ADSS2: variants seen among roughly 807,000 people sequenced by gnomAD.
The protein encoded by ADSS2 is adenylosuccinate synthase 2.
ADSS2 carries 30 observed loss-of-function variants against 60.0 expected under a neutral mutation model. The ratio of observed to expected loss-of-function variants is 0.50; its 90% CI spans 0.37 to 0.68. The LOEUF (loss-of-function observed/expected upper bound fraction) is 0.68. ADSS2 is among the 30% of genes least tolerant of loss of function. The probability of loss-of-function intolerance (pLI) is 0.00; values close to 1 mark genes in which losing one functional copy is unlikely to be tolerated. For missense variants in ADSS2, 373 were observed against 554.8 expected (o/e 0.67, Z 3.29); for synonymous variants, 187 against 193.1 (o/e 0.97, Z 0.26).
At chr1:244,436,928 T>C (rs1665116656) in intron 2 of ADSS2, 35 bp from the exon 3 acceptor site, 1 of 1,558,402 alleles carries the variant, frequency 6.4e-7, no homozygotes, top group African/African-American at 1.4e-5. Context: ...ACGGTAAACA[T>C]CTATAACTCA....
intron 5 of ADSS2, 70 bp downstream of exon 5, chr1:244,424,251 G>T: frequency 6.9e-7 from 1 of 1,452,016 alleles, no homozygotes; most frequent in Non-Finnish European, 9.5e-7. Context: ...TTAAACTTCT[G>T]GTCTAGAACT....
chr1:244,437,792 T>C (rs773291270), intron 1 of ADSS2, 24 bp from the exon 2 acceptor site: 280 of 1,486,668 alleles, frequency 1.9e-4, no homozygotes, highest in Non-Finnish European at 2.5e-4. Context: ...TAGGGGAAAA[T>C]TGAGCCTGAT....
rs1430003624 is a variant in ADSS2, at chr1:244,418,662, C to CA, written c.945+97dup. On this transcript the variant is annotated intron_variant, in intron 9 of 12. Transcript: ENST00000366535. ...GAAAATGTTGTTCTGACCAATCTTG[C>CA]AAATTAAGTGAAAGGCACAGGAGAC... 2.4e-6 allele frequency: 3 copies of CA among 1,267,904 alleles called. No individual in the cohort carries two copies. The Admixed American group carries it at 8.6e-5, about 36-fold the overall frequency. 78.5% of individuals were successfully genotyped at this position (1,267,904 alleles called of 1,614,324 possible).
chr1:244,424,151 C>T (rs1035685900), intron 5 of ADSS2, 91 bp from the exon 6 acceptor site: 48 of 1,223,562 alleles, frequency 3.9e-5, no homozygotes, highest in Non-Finnish European at 5.3e-5. Context: ...TTACATATGA[C>T]TATTTTCTGT....
At chr1:244,412,484 G>C (rs1474876706) in intron 11 of ADSS2, among the ~76,000 whole-genome samples, 1 of 152,346 alleles carries the variant, frequency 6.6e-6, no homozygotes. Flanking sequence ...GGGGTACATA[G>C]AGTATGGATA....
Position 244,418,982 on chromosome 1 carries a change from G to A in ADSS2, c.791-68C>T, listed in dbSNP as rs56164682. 6.8e-3 allele frequency: 9,255 copies of A among 1,356,042 alleles called. 59 individuals are homozygous for A. The highest frequency in any genetic ancestry group is 0.02 in the African/African-American group (1,352 of 67,700). 84.0% of individuals were successfully genotyped at this position (1,356,042 alleles called of 1,614,324 possible). A position where few individuals can be genotyped will look rare whatever the true frequency, so the allele number is the denominator to read the frequency against. ...TAACACATTTTAAAACAGAATTACC[G>A]TTACAATTCTGCATTTGAGTATATT... On this transcript the variant is annotated intron_variant, in intron 8 of 12. Coordinates refer to ENST00000366535, the MANE Select transcript of ADSS2 (RefSeq NM_001126.5).
chr1:244,411,472 A>G (rs1664416650), intron 11 of ADSS2, 36 bp from the exon 12 acceptor site: 1 of 1,574,170 alleles, frequency 6.4e-7, no homozygotes, highest in Admixed American at 2.0e-5. Flanking sequence ...CATGGCACAC[A>G]CTGTTTACTG....
intron 1 of ADSS2, 71 bp from the exon 2 acceptor site, chr1:244,437,839 G>A: frequency 8.4e-7 from 1 of 1,186,874 alleles, no homozygotes. Flanking sequence ...CCTCCAAAGT[G>A]AATTAATGAC....
chr1:244,440,956 G>A (rs1338301528), intron 1 of ADSS2, among the ~76,000 whole-genome samples: 5 of 151,314 alleles, frequency 3.3e-5, no homozygotes, highest in Non-Finnish European at 5.9e-5. Flanking sequence ...TAAACTTCCT[G>A]GTATATATTA....
chr1:244,418,322 G>T (rs1664584588), intron 9 of ADSS2, among the ~76,000 whole-genome samples: 1 of 152,080 alleles, frequency 6.6e-6, no homozygotes, highest in East Asian at 1.9e-4. Flanking sequence ...TATTTTTGTT[G>T]ACTTTATTTT....
intron 3 of ADSS2, among the ~76,000 whole-genome samples, chr1:244,435,048 G>A (rs1300644505): frequency 3.3e-5 from 5 of 151,278 alleles, no homozygotes; most frequent in African/African-American, 7.3e-5. Context: ...CGTGCCTATC[G>A]TCCCAGCTAC....
intron 1 of ADSS2, among the ~76,000 whole-genome samples, chr1:244,440,931 T>C (rs972095196): frequency 6.6e-6 from 1 of 152,188 alleles, no homozygotes; most frequent in African/African-American, 2.4e-5. Context: ...TTTGCTATTA[T>C]AAACAATCTT....
intron 2 of ADSS2, among the ~76,000 whole-genome samples, chr1:244,437,355 G>GA (rs1558278154): frequency 6.6e-6 from 1 of 152,130 alleles, no homozygotes; most frequent in East Asian, 1.9e-4. Flanking sequence ...AGTCATGGTT[G>GA]AAAGTATTTG....
At chr1:244,423,180 T>C (rs1664714171) in intron 6 of ADSS2, among the ~76,000 whole-genome samples, 1 of 151,974 alleles carries the variant, frequency 6.6e-6, no homozygotes, top group Admixed American at 6.6e-5. Flanking sequence ...GGAAGAGAAA[T>C]GGAATGACTA....
At chr1:244,418,653 C>A in intron 9 of ADSS2, 107 bp downstream of exon 9, 1 of 1,183,156 alleles carries the variant, frequency 8.5e-7, no homozygotes, top group Non-Finnish European at 1.2e-6. Flanking sequence ...GTTGTTCTGA[C>A]CAATCTTGCA....
chr1:244,443,911 T>C (rs748974904), intron 1 of ADSS2, among the ~76,000 whole-genome samples: 37 of 152,322 alleles, frequency 2.4e-4, no homozygotes, highest in Middle Eastern at 3.4e-3. Flanking sequence ...CAACACTGCA[T>C]GGCAGGCTTT....
intron 1 of ADSS2, among the ~76,000 whole-genome samples, chr1:244,450,057 T>G (rs565807790): frequency 2.6e-5 from 4 of 152,234 alleles, no homozygotes; most frequent in Non-Finnish European, 5.9e-5. Flanking sequence ...TATTTCCATA[T>G]TAACGAGATG....
At chr1:244,416,363 G>A (rs1281483879) in intron 10 of ADSS2, among the ~76,000 whole-genome samples, 3 of 152,190 alleles carry the variant, frequency 2.0e-5, no homozygotes, top group Admixed American at 6.5e-5. Flanking sequence ...TGTCACCCAG[G>A]CTGGAGTGTA....
chr1:244,426,777 GC>G (rs1446519310), intron 4 of ADSS2, among the ~76,000 whole-genome samples: 1 of 151,948 alleles, frequency 6.6e-6, no homozygotes, highest in Non-Finnish European at 1.5e-5. Context: ...ACAATTGTAG[GC>G]CCCTACCTCC....
Sources: allele counts gnomAD v4.1 joint callset (sites outside exome capture counted in the v4.1 genomes callset), GRCh38; gene constraint gnomAD v4.1.1; transcripts MANE v1.5; gene names NCBI Gene and HGNC (gene_info 2026-07-23, HGNC 2026-07-21).